DAGLB: variants seen among roughly 807,000 people sequenced by gnomAD.
DAGLB encodes diacylglycerol lipase beta, also known as diacylglycerol lipase-beta.
DAGLB carries 66 observed loss-of-function variants against 72.1 expected under a neutral mutation model. The ratio of observed to expected loss-of-function variants is 0.92; its 90% CI spans 0.75 to 1.12. DAGLB has a LOEUF of 1.12. DAGLB is among the 50% of genes most tolerant of loss of function. DAGLB has a pLI of 0.00. For missense variants in DAGLB, 1,065 were observed against 884.9 expected, an observed-to-expected ratio of 1.20 and a Z score of -2.58; for synonymous variants, 414 against 359.5, an observed-to-expected ratio of 1.15 and a Z score of -1.71.
intron 2 of DAGLB, 188 bp downstream of exon 2, chr7:6,445,765 G>A: frequency 1.6e-6 from 1 of 628,440 alleles, no homozygotes; most frequent in Non-Finnish European, 2.5e-6. Flanking sequence ...GTCCCGCCTG[G>A]TACAGGATTT....
intron 2 of DAGLB, among the ~76,000 whole-genome samples, chr7:6,437,424 G>C (rs1489338893): frequency 6.6e-6 from 1 of 152,080 alleles, no homozygotes; most frequent in African/African-American, 2.4e-5. Flanking sequence ...GAAGCTCAGA[G>C]AGCGTAATAG....
rs1383935678 is a variant in DAGLB, at chr7:6,447,911, C to G, written c.-69G>C. The G allele has an allele frequency of 3.4e-5, 51 of 1,487,552 alleles. No individual in the cohort carries two copies. The highest frequency in any genetic ancestry group is 7.8e-5 in the Admixed American group (3 of 38,502). 92.1% of individuals were successfully genotyped at this position (1,487,552 alleles called of 1,614,324 possible). A position where few individuals can be genotyped will look rare whatever the true frequency, so the allele number is the denominator to read the frequency against. ...CGTTCACCGAGAACAAACCAGCACC[C>G]TCCGGACGCCGCCACCAAATTATCG... On this transcript the variant is annotated 5_prime_UTR_variant, in exon 1 of 15. Transcript: ENST00000297056.
At chr7:6,415,118 G>A (rs993988317) in intron 11 of DAGLB, among the ~76,000 whole-genome samples, 1 of 151,620 alleles carries the variant, frequency 6.6e-6, no homozygotes, top group Non-Finnish European at 1.5e-5. Flanking sequence ...CCATGACTGT[G>A]CTGCTGCACT....
At chr7:6,437,204 G>A (rs1784693077) in intron 2 of DAGLB, among the ~76,000 whole-genome samples, 3 of 148,422 alleles carry the variant, frequency 2.0e-5, no homozygotes, top group Admixed American at 6.8e-5. Flanking sequence ...TAATAATTAT[G>A]CTGAGACAAC....
intron 5 of DAGLB, among the ~76,000 whole-genome samples, chr7:6,432,485 G>A (rs1368442115): frequency 8.7e-5 from 13 of 149,546 alleles, no homozygotes; most frequent in Non-Finnish European, 1.0e-4. Flanking sequence ...GTGAAACCCC[G>A]TCTCTACTAA....
chr7:6,439,411 T>C (rs1784759627), intron 2 of DAGLB, among the ~76,000 whole-genome samples: 1 of 152,178 alleles, frequency 6.6e-6, no homozygotes, highest in African/African-American at 2.4e-5. Flanking sequence ...AAATGTAATG[T>C]CCTCACCACT....
At chr7:6,425,865 G>T in intron 7 of DAGLB, 123 bp downstream of exon 7, 1 of 1,489,520 alleles carries the variant, frequency 6.7e-7, no homozygotes, top group Non-Finnish European at 9.0e-7. Context: ...ATAGTACACA[G>T]GACTTAGAAG....
At chr7:6,412,659 C>T in intron 13 of DAGLB, 152 bp downstream of exon 13, 2 of 865,910 alleles carry the variant, frequency 2.3e-6, no homozygotes, top group South Asian at 3.3e-5. Flanking sequence ...TCACAGAGTC[C>T]TAGCCCAGAA....
intron 13 of DAGLB, 33 bp from the exon 14 acceptor site, chr7:6,410,413 C>A: frequency 6.4e-7 from 1 of 1,566,628 alleles, no homozygotes; most frequent in Non-Finnish European, 8.7e-7. Flanking sequence ...AGAATGCTGT[C>A]ACTCACCCTC....
rs538195061 is a variant in DAGLB, at chr7:6,416,620, G to A, written c.1427+7C>T. 3.8e-6 allele frequency: 6 copies of A among 1,590,770 alleles called. No homozygotes were observed. The highest frequency in any genetic ancestry group is 5.1e-6 in the Non-Finnish European group (6 of 1,169,852). On this transcript the variant is annotated splice_region_variant and intron_variant, in intron 11 of 14. Transcript: ENST00000297056. Reference sequence around the variant, plus strand: ...CAAGCTGTTAGAGCAGGAAAACAAAGGCTCACCTCCACAGCCCCCGGGGTG... The same window carrying A: ...CAAGCTGTTAGAGCAGGAAAACAAAAGCTCACCTCCACAGCCCCCGGGGTG...
intron 2 of DAGLB, among the ~76,000 whole-genome samples, chr7:6,441,559 A>T (rs1784834141): frequency 6.6e-6 from 1 of 150,636 alleles, no homozygotes; most frequent in East Asian, 2.0e-4. Context: ...GTGTGACTAC[A>T]GGGGCCCGCC....
intron 2 of DAGLB, among the ~76,000 whole-genome samples, chr7:6,437,107 T>C (rs921858792): frequency 1.9e-4 from 28 of 150,460 alleles, no homozygotes; most frequent in Admixed American, 6.7e-4. Flanking sequence ...TGAGCTGAGA[T>C]TGCGCCACTG....
At position 6,409,360 on chromosome 7, in the gene DAGLB, G is replaced by C. The variant is rs565274272; in HGVS notation, c.*477C>G. On this transcript the variant is annotated 3_prime_UTR_variant, in exon 15 of 15. Coordinates refer to ENST00000297056, the MANE Select transcript of DAGLB (RefSeq NM_139179.4). ...CCAGGGCTGCCCTTGGTGACGCCCAGGAGAAAACCCCAGCCCGCACCCTCA... is the reference window on the plus strand; with the variant it reads ...CCAGGGCTGCCCTTGGTGACGCCCACGAGAAAACCCCAGCCCGCACCCTCA... 51 of 158,990 alleles carry C rather than the reference G, an allele frequency of 3.2e-4. No individual in the cohort carries two copies. In the South Asian group the frequency reaches 9.1e-3, roughly 28 times the overall value. The allele number at this position is 158,990 out of a possible 1,614,324, so 9.8% of individuals were successfully genotyped here. A position where few individuals can be genotyped will look rare whatever the true frequency, so the allele number is the denominator to read the frequency against.
intron 2 of DAGLB, among the ~76,000 whole-genome samples, chr7:6,437,086 G>A (rs766349751): frequency 3.3e-5 from 5 of 151,140 alleles, no homozygotes; most frequent in Admixed American, 6.6e-5. Flanking sequence ...CCCAGGAGGC[G>A]GAGGTTGCAG....
At position 6,426,086 on chromosome 7, in the gene DAGLB, A is replaced by G; in HGVS notation, c.958T>C (p.Leu320=). ...CCRSRTTDYD[L]VGGDQLNCHF... ...CAGTTGAGCTGATCGCCTCCGACCA[A>G]GTCATAGTCTGTGGTTCTGCTTCTG... The change falls in exon 7 of 15, where the codon TTG becomes CTG. Residue 320 remains leucine, a synonymous_variant. Transcript: ENST00000297056. The G allele has an allele frequency of 6.2e-7, 1 of 1,613,902 alleles. No homozygotes were observed. Among genetic ancestry groups the G allele is most frequent in the Non-Finnish European group, 8.5e-7 (1 of 1,179,962 alleles).
chr7:6,422,156 C>T (rs1043985007), intron 8 of DAGLB: 20 of 371,550 alleles, frequency 5.4e-5, no homozygotes, highest in African/African-American at 2.1e-4. Flanking sequence ...TCAGGAGCCC[C>T]GTAACAGGTG....
chr7:6,432,718 G>T, intron 5 of DAGLB, 119 bp downstream of exon 5: 1 of 1,246,090 alleles, frequency 8.0e-7, no homozygotes, highest in Non-Finnish European at 1.0e-6. Context: ...GGAGGGGAGG[G>T]AGGGGAAAGG....
intron 1 of DAGLB, 122 bp downstream of exon 1, chr7:6,447,626 C>A: frequency 2.2e-6 from 3 of 1,340,904 alleles, no homozygotes; most frequent in South Asian, 1.5e-5. Context: ...TAAGAGGATG[C>A]GTGGCCAGCG....
intron 2 of DAGLB, among the ~76,000 whole-genome samples, chr7:6,437,163 A>AAG (rs1784689659): frequency 7.3e-6 from 1 of 136,780 alleles, no homozygotes; most frequent in Non-Finnish European, 1.6e-5. Flanking sequence ...CAAAATAATA[A>AAG]TAATAATAAT....
Sources: gnomAD v4.1 joint callset for allele counts (sites outside exome capture counted in the v4.1 genomes callset) on GRCh38, gnomAD v4.1.1 for gene constraint, MANE v1.5 for transcripts, NCBI Gene and HGNC (gene_info 2026-07-23, HGNC 2026-07-21) for gene names.